GALNT7: variants seen among roughly 807,000 people sequenced by gnomAD.
GALNT7 encodes N-acetylgalactosaminyltransferase 7.
Under a neutral mutation model 82.1 loss-of-function variants are expected in GALNT7, and 60 were observed. The observed-to-expected ratio is 0.73, with a 90% CI of 0.59 to 0.91. The LOEUF (loss-of-function observed/expected upper bound fraction) is 0.91. Ranked by LOEUF, GALNT7 falls within the 40% of genes least tolerant of loss-of-function variation. The pLI is 0.00. For synonymous variants in GALNT7, 243 were observed against 275.1 expected (o/e 0.88, Z 1.15); for missense variants, 660 against 804.2 (o/e 0.82, Z 2.17).
rs781006050 is a variant in GALNT7, at chr4:173,295,544, T to C, written c.885+18T>C. 6 of 1,605,472 alleles carry C rather than the reference T, an allele frequency of 3.7e-6. No individual in the cohort carries two copies. The African/African-American group carries it at 4.0e-5, about 11-fold the overall frequency. ...TTGGACAGGTAGGAAGCATTTGATA[T>C]CTACAATGTCAACATTTTGGGTTTG... On this transcript the variant is annotated intron_variant, in intron 4 of 11. Coordinates refer to ENST00000265000, the MANE Select transcript of GALNT7 (RefSeq NM_017423.3).
chr4:173,182,969 T>C (rs1038135100), intron 1 of GALNT7, among the ~76,000 whole-genome samples: 1 of 148,084 alleles, frequency 6.8e-6, no homozygotes, highest in African/African-American at 2.5e-5. Flanking sequence ...TCTATGTACC[T>C]GATACTTTTA....
chr4:173,218,081 A>G (rs1733526315), intron 1 of GALNT7, among the ~76,000 whole-genome samples: 2 of 151,750 alleles, frequency 1.3e-5, no homozygotes, highest in African/African-American at 2.4e-5. Flanking sequence ...AGGGAGACAG[A>G]TTAAATTTCA....
At chr4:173,257,156 G>A (rs1735069876) in intron 2 of GALNT7, among the ~76,000 whole-genome samples, 1 of 152,166 alleles carries the variant, frequency 6.6e-6, no homozygotes, top group African/African-American at 2.4e-5. Flanking sequence ...AGGCAGTTAG[G>A]GGAGGCTTCC....
chr4:173,232,128 G>T (rs1451595840), intron 1 of GALNT7, among the ~76,000 whole-genome samples: 1 of 152,048 alleles, frequency 6.6e-6, no homozygotes, highest in East Asian at 1.9e-4. Context: ...CCTAGAGGCA[G>T]GACTGAAAAT....
At chr4:173,316,420 T>G (rs28624699) in intron 9 of GALNT7, 1 of 152,292 alleles carries the variant, frequency 6.6e-6, no homozygotes. Flanking sequence ...TTTCCTTTTT[T>G]TCACCACACT....
Position 173,313,978 on chromosome 4 carries a change from G to C in GALNT7, c.1410G>C (p.Glu470Asp). 1 of 1,566,714 alleles carries C rather than the reference G, an allele frequency of 6.4e-7. No individual in the cohort carries two copies. The highest frequency in any genetic ancestry group is 8.8e-7 in the Non-Finnish European group (1 of 1,137,608). Residue 470 changes from glutamate to aspartate, a missense_variant, in exon 9 of 12, where the codon GAG becomes GAC. Glu to Asp is a conservative substitution (Grantham distance 45). Coordinates refer to ENST00000265000, the MANE Select transcript of GALNT7 (RefSeq NM_017423.3). ...TACAGAATTATGTTAGAGTTGTGGA[G>C]GTTTGGTGGGATGAATATAAAGACT... is the stretch of plus-strand genomic sequence containing the variant. ...PTLKNYVRVVEVWWDEYKDYF... is the reference protein window; with the variant it reads ...PTLKNYVRVVDVWWDEYKDYF...
intron 1 of GALNT7, among the ~76,000 whole-genome samples, chr4:173,189,764 T>A (rs1324448781): frequency 3.3e-5 from 5 of 152,352 alleles, no homozygotes; most frequent in Middle Eastern, 3.4e-3. Flanking sequence ...ACATTTTTAC[T>A]CCATATTCAG....
chr4:173,248,108 T>C lies in GALNT7; in HGVS notation c.255T>C (p.Ile85=). The C allele has an allele frequency of 1.9e-6, 3 of 1,613,748 alleles. No individual in the cohort carries two copies. Among genetic ancestry groups the C allele is most frequent in the Non-Finnish European group, 2.5e-6 (3 of 1,179,776 alleles). Residue 85 remains isoleucine (I), a synonymous_variant, in exon 2 of 12, where the codon ATT becomes ATC. Transcript: ENST00000265000. ...GAGTAGAAGTGGACTTAGAGTCTAT[T>C]AGAAGAATAAACAAGGCCAAAAATG... The part of the protein sequence containing the change: ...VEGVEVDLES[I]RRINKAKNEQ...
chr4:173,309,283 G>A (rs954609371), intron 8 of GALNT7, among the ~76,000 whole-genome samples: 4 of 152,106 alleles, frequency 2.6e-5, no homozygotes, highest in African/African-American at 9.7e-5. Context: ...GGGAGTGTAC[G>A]TGCTCTCTCT....
intron 8 of GALNT7, among the ~76,000 whole-genome samples, chr4:173,313,599 AAG>A (rs919536128): frequency 2.0e-5 from 3 of 151,452 alleles, no homozygotes; most frequent in African/African-American, 7.3e-5. Context: ...AAAGAAAAGA[AAG>A]AGATTATTAT....
chr4:173,190,043 T>C (rs1474030098), intron 1 of GALNT7, among the ~76,000 whole-genome samples: 1 of 152,022 alleles, frequency 6.6e-6, no homozygotes, highest in South Asian at 2.1e-4. Context: ...AATGGCAAAA[T>C]AGACTTCATA....
rs151063592 is a variant in GALNT7 at position 173,171,061 on chromosome 4, AATTAAC to A, written c.126+2106_126+2111del. On this transcript the variant is annotated intron_variant, in intron 1 of 11. Coordinates refer to ENST00000265000, the MANE Select transcript of GALNT7 (RefSeq NM_017423.3). ...AAGGTAGATTTTAAAGACTTAACAT[AATTAAC>A]ATTAAGAGGAATGCTTAGGTATCAG... Among the ~76,000 whole-genome samples, 786 of 152,312 alleles carry A rather than the reference AATTAAC, an allele frequency of 5.2e-3. 16 individuals carry two copies. The East Asian group carries it at 0.086, about 17-fold the overall frequency.
At chr4:173,182,346 G>T (rs1230728641) in intron 1 of GALNT7, among the ~76,000 whole-genome samples, 3 of 152,112 alleles carry the variant, frequency 2.0e-5, no homozygotes, top group Non-Finnish European at 4.4e-5. Context: ...CATTTGTTCA[G>T]TATTTTTGTT....
chr4:173,290,154 A>G (rs1163238838), intron 2 of GALNT7, among the ~76,000 whole-genome samples: 1 of 152,178 alleles, frequency 6.6e-6, no homozygotes, highest in East Asian at 1.9e-4. Context: ...ATGCAAGGGC[A>G]TAGAGGTATA....
chr4:173,245,838 C>T (rs1286414589), intron 1 of GALNT7, among the ~76,000 whole-genome samples: 1 of 152,166 alleles, frequency 6.6e-6, no homozygotes, highest in East Asian at 1.9e-4. Flanking sequence ...ATCTTCAGTT[C>T]TTCCTGAATA....
At chr4:173,316,813 T>A (rs756627319) in intron 9 of GALNT7, 12 of 152,410 alleles carry the variant, frequency 7.9e-5, no homozygotes, top group South Asian at 4.2e-4. Flanking sequence ...TAAAGGTGTC[T>A]CTTGGGGCAG....
At chr4:173,256,495 T>C (rs1217786186) in intron 2 of GALNT7, among the ~76,000 whole-genome samples, 2 of 152,272 alleles carry the variant, frequency 1.3e-5, no homozygotes, top group East Asian at 1.9e-4. Flanking sequence ...GTTTGTGTGG[T>C]CTGGTCATTG....
At chr4:173,178,052 T>TGTGTGTGTGTGTGCGCGCGCGCGCGC (rs563102408) in intron 1 of GALNT7, among the ~76,000 whole-genome samples, 1 of 129,510 alleles carries the variant, frequency 7.7e-6, no homozygotes, top group African/African-American at 3.1e-5. Flanking sequence ...TGTGTGTGTG[T>TGTGTGTGTGTGTGCGCGCGCGCGCGC]GCGCGCACGC....
In GALNT7 at chr4:173,295,507, A is replaced by G; in HGVS notation, c.866A>G (p.Gln289Arg). Residue 289 changes from glutamine to arginine, a missense_variant, in exon 4 of 12, where the codon CAG (glutamine) becomes CGG (arginine). By Grantham distance (43) the Gln-to-Arg change is conservative. Transcript: ENST00000265000. ...ATTCAAGCACGAAGTATTGGTGCTC[A>G]GAAGGCTAAACTTGGACAGGTAGGA... ...GLIQARSIGAQKAKLGQVLIY... is the reference protein window; with the variant it reads ...GLIQARSIGARKAKLGQVLIY... The G allele has an allele frequency of 1.2e-6, 2 of 1,613,800 alleles. No homozygotes were observed. The highest frequency in any genetic ancestry group is 1.7e-6 in the Non-Finnish European group (2 of 1,179,728).
Sources: allele counts gnomAD v4.1 joint callset (sites outside exome capture counted in the v4.1 genomes callset), GRCh38; gene constraint gnomAD v4.1.1; transcripts MANE v1.5; gene names NCBI Gene and HGNC (gene_info 2026-07-23, HGNC 2026-07-21).